Variants in CPEB3 observed in about 807,000 individuals in gnomAD.
The protein encoded by CPEB3 is cytoplasmic polyadenylation element-binding protein 3.
CPEB3 carries 20 observed loss-of-function variants against 67.2 expected under a neutral mutation model. The observed-to-expected ratio is 0.30, with a 90% CI of 0.21 to 0.43. The LOEUF is 0.43. Ranked by LOEUF, CPEB3 falls within the 20% of genes least tolerant of loss-of-function variation. The pLI is 1.00. For synonymous variants in CPEB3, 376 were observed against 393.1 expected, an observed-to-expected ratio of 0.96 and a Z score of 0.51; for missense variants, 746 against 968.6, an observed-to-expected ratio of 0.77 and a Z score of 3.05.
At chr10:92,220,750 G>A (rs897246923) in intron 2 of CPEB3, among the ~76,000 whole-genome samples, 1 of 152,094 alleles carries the variant, frequency 6.6e-6, no homozygotes, top group African/African-American at 2.4e-5. Context: ...ATTGCATTCC[G>A]AAATGCTCTT....
intron 7 of CPEB3, among the ~76,000 whole-genome samples, chr10:92,094,808 G>GACACACAC (rs10654734): frequency 6.6e-4 from 96 of 145,732 alleles, no homozygotes; most frequent in Admixed American, 2.5e-3. Flanking sequence ...AGATTCTAAT[G>GACACACAC]ACACACACAC....
intron 9 of CPEB3, among the ~76,000 whole-genome samples, chr10:92,067,750 G>A (rs999295410): frequency 2.6e-5 from 4 of 152,142 alleles, no homozygotes; most frequent in East Asian, 3.9e-4. Context: ...CCTGGGAGGC[G>A]GAGGTTGCGG....
intron 4 of CPEB3, among the ~76,000 whole-genome samples, chr10:92,152,828 T>C (rs1238795448): frequency 6.6e-6 from 1 of 152,182 alleles, no homozygotes; most frequent in Non-Finnish European, 1.5e-5. Flanking sequence ...GTTTCACTTA[T>C]TTATTGTCTC....
intron 2 of CPEB3, among the ~76,000 whole-genome samples, chr10:92,235,913 A>G (rs979857602): frequency 3.3e-5 from 5 of 152,220 alleles, no homozygotes; most frequent in African/African-American, 1.2e-4. Context: ...TTTACAACAT[A>G]AAGAAAATAG....
At chr10:92,271,638 G>T (rs1287943772) in intron 1 of CPEB3, among the ~76,000 whole-genome samples, 1 of 152,158 alleles carries the variant, frequency 6.6e-6, no homozygotes, top group Non-Finnish European at 1.5e-5. Flanking sequence ...CCTTCTCAGA[G>T]CATCATATCA....
chr10:92,189,403 G>A (rs1373999447), intron 3 of CPEB3, among the ~76,000 whole-genome samples: 1 of 152,182 alleles, frequency 6.6e-6, no homozygotes, highest in Non-Finnish European at 1.5e-5. Flanking sequence ...GCAAAAAATT[G>A]TGGATAACAT....
At chr10:92,053,672 G>T (rs2134256805) in intron 9 of CPEB3, among the ~76,000 whole-genome samples, 1 of 151,974 alleles carries the variant, frequency 6.6e-6, no homozygotes, top group African/African-American at 2.4e-5. Context: ...CTCCTGAGTA[G>T]CTGGGACTAC....
At chr10:92,180,578 G>A (rs1322676779) in intron 4 of CPEB3, among the ~76,000 whole-genome samples, 1 of 152,218 alleles carries the variant, frequency 6.6e-6, no homozygotes, top group Admixed American at 6.5e-5. Flanking sequence ...ATGAATGGGT[G>A]TGGCTATATT....
At chr10:92,241,566 T>C (rs1406746816) in intron 1 of CPEB3, among the ~76,000 whole-genome samples, 3 of 152,186 alleles carry the variant, frequency 2.0e-5, no homozygotes, top group Admixed American at 6.5e-5. Context: ...TTTTCATACA[T>C]TGTAATTATA....
At chr10:92,142,939 G>T (rs1045120438) in intron 6 of CPEB3, 90 bp downstream of exon 6, 3 of 814,902 alleles carry the variant, frequency 3.7e-6, no homozygotes. Context: ...AAATTCAACA[G>T]CTATTTCAAG....
chr10:92,289,732 A>AAAAAAATAT lies in CPEB3; in HGVS notation c.-12+1193_-12+1194insATATTTTTT. On this transcript the variant is annotated intron_variant, in intron 1 of 9. Transcript: ENST00000265997. ...CGCGTCTCTACCAAAAAAAAAAAAAAATATATATATATATATATATATATA... is the reference window on the plus strand; with the variant it reads ...CGCGTCTCTACCAAAAAAAAAAAAAAAAAAAATATATATATATATATATATATATATATA... Among the ~76,000 whole-genome samples, 134 of 75,750 alleles carry AAAAAAATAT rather than the reference A, an allele frequency of 1.8e-3. 4 individuals are homozygous for AAAAAAATAT. Among genetic ancestry groups the AAAAAAATAT allele is most frequent in the Non-Finnish European group, 2.0e-3 (79 of 39,082 alleles). The allele number at this position is 75,750 out of a possible 152,430, so 49.7% of individuals were successfully genotyped here.
intron 6 of CPEB3, among the ~76,000 whole-genome samples, chr10:92,116,677 T>C (rs1334317704): frequency 1.3e-5 from 2 of 152,134 alleles, no homozygotes; most frequent in African/African-American, 2.4e-5. Context: ...CTGAGGAGTA[T>C]GTGGGGGCTT....
At chr10:92,162,993 A>G (rs1319094121) in intron 4 of CPEB3, among the ~76,000 whole-genome samples, 2 of 152,166 alleles carry the variant, frequency 1.3e-5, no homozygotes, top group African/African-American at 4.8e-5. Context: ...GTAAAAACTG[A>G]TGAACCTATT....
At chr10:92,191,603 G>A (rs1297259192) in intron 3 of CPEB3, among the ~76,000 whole-genome samples, 4 of 151,964 alleles carry the variant, frequency 2.6e-5, no homozygotes, top group African/African-American at 9.7e-5. Flanking sequence ...CTATAATATG[G>A]GCCTAGAGAG....
intron 4 of CPEB3, among the ~76,000 whole-genome samples, chr10:92,161,521 C>G (rs531402240): frequency 3.3e-4 from 50 of 151,916 alleles, no homozygotes; most frequent in Non-Finnish European, 6.8e-4. Context: ...GATCCACCCA[C>G]GTTGGCCTCC....
intron 6 of CPEB3, among the ~76,000 whole-genome samples, chr10:92,121,359 ATAAAAT>A (rs1845371350): frequency 1.4e-5 from 2 of 146,754 alleles, no homozygotes; most frequent in Non-Finnish European, 3.0e-5. Context: ...ATATATATAT[ATAAAAT>A]ATATTTTATA....
chr10:92,101,086 A>G (rs916238155), intron 7 of CPEB3, among the ~76,000 whole-genome samples: 1 of 152,180 alleles, frequency 6.6e-6, no homozygotes, highest in East Asian at 1.9e-4. Flanking sequence ...TGAACATCCT[A>G]CTGCATAGGA....
At chr10:92,215,915 A>G (rs1850356120) in intron 2 of CPEB3, among the ~76,000 whole-genome samples, 1 of 148,432 alleles carries the variant, frequency 6.7e-6, no homozygotes, top group Admixed American at 6.7e-5. Context: ...ACATGCAGCT[A>G]ATTTTTGTAT....
At position 92,172,638 on chromosome 10, in the gene CPEB3, C is replaced by A. The variant is rs138304192; in HGVS notation, c.1222+8325G>T. Among the ~76,000 whole-genome samples the A allele has an allele frequency of 1.8e-3, 274 of 152,296 alleles. 1 individual carries two copies. Among genetic ancestry groups the A allele is most frequent in the African/African-American group, 6.4e-3 (266 of 41,558 alleles). The stretch of plus-strand genomic sequence containing the variant: ...ATGACATTAGCAACATGCTGACATG[C>A]AATTTACCCATGTAACAAACCTGCA... On this transcript the variant is annotated intron_variant, in intron 4 of 9. Coordinates refer to ENST00000265997, the MANE Select transcript of CPEB3 (RefSeq NM_014912.5).
Sources: allele counts gnomAD v4.1 joint callset (sites outside exome capture counted in the v4.1 genomes callset), GRCh38; gene constraint gnomAD v4.1.1; transcripts MANE v1.5; gene names NCBI Gene and HGNC (gene_info 2026-07-23, HGNC 2026-07-21).